The following UNC5D variants were observed in gnomAD, a reference collection of about 807,000 sequenced individuals.
The protein encoded by UNC5D is unc-5 netrin receptor D, also known as netrin receptor UNC5D.
In UNC5D, 39 loss-of-function variants were observed where a neutral mutation model predicts 105.4. The observed-to-expected ratio is 0.37, with a 90% CI of 0.29 to 0.48. UNC5D has a LOEUF of 0.48. Ranked by LOEUF, UNC5D falls within the 20% of genes least tolerant of loss-of-function variation. The probability of loss-of-function intolerance (pLI) is 0.98; values close to 1 mark genes in which losing one functional copy is unlikely to be tolerated. For synonymous variants in UNC5D, 452 were observed against 450.4 expected, an observed-to-expected ratio of 1.00 and a Z score of -0.04; for missense variants, 991 against 1,202.4, an observed-to-expected ratio of 0.82 and a Z score of 2.60.
At chr8:35,657,078 G>GTATA (rs1823800749) in intron 4 of UNC5D, among the ~76,000 whole-genome samples, 29 of 80,560 alleles carry the variant, frequency 3.6e-4, no homozygotes, top group African/African-American at 7.6e-4. Context: ...GTGTGTGTGT[G>GTATA]TGTATATATA....
rs568751218 is a variant in UNC5D at position 35,349,718 on chromosome 8, A to G, written c.103+113831A>G. ...CCAGTTTAGTTTATAACTCAGTCAC[A>G]TGAGAGCTTTTTCTTAAGATTACCA... On this transcript the variant is annotated intron_variant, in intron 1 of 16. Transcript: ENST00000404895. 2.0e-5 allele frequency among the ~76,000 whole-genome samples: 3 copies of G among 152,158 alleles called. No homozygotes were observed. In the South Asian group the frequency reaches 6.2e-4, roughly 31 times the overall value.
intron 14 of UNC5D, among the ~76,000 whole-genome samples, chr8:35,763,203 G>C (rs1325142556): frequency 2.0e-5 from 3 of 152,076 alleles, no homozygotes; most frequent in Non-Finnish European, 2.9e-5. Context: ...ATATTCCCTT[G>C]ATACTGTCTT....
intron 1 of UNC5D, among the ~76,000 whole-genome samples, chr8:35,372,735 C>A (rs1459701298): frequency 6.6e-6 from 1 of 152,078 alleles, no homozygotes; most frequent in East Asian, 1.9e-4. Context: ...TCCCAAGTAG[C>A]TGGGACTATA....
At chr8:35,236,532 A>G (rs2128796737) in intron 1 of UNC5D, among the ~76,000 whole-genome samples, 1 of 132,580 alleles carries the variant, frequency 7.5e-6, no homozygotes, top group African/African-American at 2.8e-5. Context: ...GCTGCTCACC[A>G]GGCGCCTCCT....
Position 35,658,538 on chromosome 8 carries a change from G to A in UNC5D, c.571-25009G>A, listed in dbSNP as rs929768316. ...CAGATGCTGTGTAATGATGTTACAC[G>A]TAATAAATGATAGATGTTGCATGAT... On this transcript the variant is annotated intron_variant, in intron 4 of 16. Coordinates refer to ENST00000404895, the MANE Select transcript of UNC5D (RefSeq NM_080872.4). Among the ~76,000 whole-genome samples the A allele has an allele frequency of 9.2e-5, 14 of 152,024 alleles. No individual in the cohort carries two copies. The South Asian group carries it at 1.0e-3, about 11-fold the overall frequency.
intron 1 of UNC5D, among the ~76,000 whole-genome samples, chr8:35,338,580 TG>T (rs1480358162): frequency 1.3e-5 from 2 of 152,150 alleles, no homozygotes; most frequent in Admixed American, 6.5e-5. Context: ...ACCAGAGTAC[TG>T]AATGCCCATT....
intron 1 of UNC5D, among the ~76,000 whole-genome samples, chr8:35,365,894 C>A (rs749580285): frequency 2.6e-5 from 4 of 152,136 alleles, no homozygotes; most frequent in African/African-American, 7.2e-5. Context: ...AAGGTTTCAC[C>A]TGTGGTTTAC....
intron 1 of UNC5D, among the ~76,000 whole-genome samples, chr8:35,285,085 G>A (rs1421418996): frequency 2.6e-5 from 4 of 152,134 alleles, no homozygotes; most frequent in African/African-American, 2.4e-5. Flanking sequence ...ATGTTTTGGT[G>A]ACTTTTTGAG....
chr8:35,418,457 T>G (rs1255151340), intron 1 of UNC5D, among the ~76,000 whole-genome samples: 2 of 152,212 alleles, frequency 1.3e-5, no homozygotes, highest in African/African-American at 4.8e-5. Flanking sequence ...AGTGATGATT[T>G]TATAGCCCCT....
At chr8:35,776,279 G>A (rs1802241075) in intron 16 of UNC5D, among the ~76,000 whole-genome samples, 1 of 152,134 alleles carries the variant, frequency 6.6e-6, no homozygotes, top group African/African-American at 2.4e-5. Flanking sequence ...GGCTATAAAA[G>A]TTTATGATTT....
chr8:35,637,731 CAT>C (rs1462495899), intron 4 of UNC5D, among the ~76,000 whole-genome samples: 2 of 152,122 alleles, frequency 1.3e-5, no homozygotes, highest in Non-Finnish European at 2.9e-5. Flanking sequence ...GAATTTTCCA[CAT>C]GTTTAAATCA....
chr8:35,665,966 T>G (rs575755049), intron 4 of UNC5D, among the ~76,000 whole-genome samples: 3 of 152,180 alleles, frequency 2.0e-5, no homozygotes, highest in African/African-American at 7.2e-5. Context: ...TACTTTTTTT[T>G]TTTTTGACAA....
intron 4 of UNC5D, among the ~76,000 whole-genome samples, chr8:35,669,186 T>C (rs1021599040): frequency 6.6e-6 from 1 of 152,224 alleles, no homozygotes; most frequent in Non-Finnish European, 1.5e-5. Context: ...TTTATTTCAA[T>C]GCCTTATGTG....
rs775099744 is a variant in UNC5D at position 35,730,992 on chromosome 8, G to A, written c.1682-20G>A. 1.2e-6 allele frequency: 2 copies of A among 1,611,954 alleles called. No homozygotes were observed. The highest frequency in any genetic ancestry group is 4.5e-5 in the East Asian group (2 of 44,836). The stretch of plus-strand genomic sequence containing the variant: ...AATTGGAAAAATCTATGAATAACCT[G>A]TTGGCTTTTTCTGTTTTAGGGGTGA... On this transcript the variant is annotated intron_variant, in intron 10 of 16. Transcript: ENST00000404895.
intron 7 of UNC5D, among the ~76,000 whole-genome samples, chr8:35,699,803 T>G (rs924557753): frequency 6.6e-6 from 1 of 152,042 alleles, no homozygotes; most frequent in Admixed American, 6.6e-5. Context: ...CTCTGAAGGG[T>G]CATTGCTGAC....
intron 1 of UNC5D, among the ~76,000 whole-genome samples, chr8:35,547,360 A>G (rs1262206450): frequency 6.7e-6 from 1 of 148,544 alleles, no homozygotes; most frequent in East Asian, 2.0e-4. Flanking sequence ...GTGCAGTAGC[A>G]TGACCTTGGC....
intron 1 of UNC5D, among the ~76,000 whole-genome samples, chr8:35,297,690 C>G (rs1248450770): frequency 6.6e-6 from 1 of 151,592 alleles, no homozygotes; most frequent in Non-Finnish European, 1.5e-5. Context: ...AGATAAAGTT[C>G]TGGTGTTTGC....
intron 1 of UNC5D, among the ~76,000 whole-genome samples, chr8:35,420,847 T>TA (rs1260573046): frequency 1.3e-5 from 2 of 151,914 alleles, no homozygotes; most frequent in South Asian, 2.1e-4. Context: ...AGGAGAACTA[T>TA]AAAAAAATCA....
At chr8:35,337,415 A>G (rs1337330537) in intron 1 of UNC5D, among the ~76,000 whole-genome samples, 1 of 152,188 alleles carries the variant, frequency 6.6e-6, no homozygotes, top group African/African-American at 2.4e-5. Flanking sequence ...TTCTTTTTCC[A>G]TTCTGACATA....
Sources: allele counts gnomAD v4.1 joint callset (sites outside exome capture counted in the v4.1 genomes callset), GRCh38; gene constraint gnomAD v4.1.1; transcripts MANE v1.5; gene names NCBI Gene and HGNC (gene_info 2026-07-23, HGNC 2026-07-21).